Variants in BBS1 observed in about 807,000 individuals in gnomAD.
BBS1 encodes BBSome complex member BBS1.
In BBS1, 60 loss-of-function variants were observed where a neutral mutation model predicts 73.9. That is an observed-to-expected ratio of 0.81 (90% confidence interval 0.66 to 1.01). The LOEUF is 1.01. BBS1 is among the 50% of genes least tolerant of loss of function. The pLI is 0.00. For synonymous variants in BBS1, 283 were observed against 317.4 expected (o/e 0.89, Z 1.15); for missense variants, 718 against 770.3 (o/e 0.93, Z 0.80).
rs370985358 is a variant in BBS1 at position 66,529,972 on chromosome 11, C to T, written c.1473+20C>T. The T allele has an allele frequency of 6.9e-6, 11 of 1,592,938 alleles. No individual in the cohort carries two copies. The highest frequency in any genetic ancestry group is 9.4e-6 in the Non-Finnish European group (11 of 1,175,784). The stretch of plus-strand genomic sequence containing the variant: ...GCCGTGGTGAGCATCTGGGTGAGGG[C>T]AGAGTCAGGGCCAGAGGGGCAGAGG... On this transcript the variant is annotated intron_variant, in intron 14 of 16. Coordinates refer to ENST00000318312, the MANE Select transcript of BBS1 (RefSeq NM_024649.5).
chr11:66,514,657 C>A lies in BBS1; in HGVS notation c.411C>A (p.Asp137Glu), dbSNP rs1196550702. Residue 137 changes from aspartate (D) to glutamate (E), a missense_variant, in exon 4 of 17, where the codon GAC becomes GAA. Transcript: ENST00000318312. ...PQLPPNPLEQ[D>E]LWNQAKEDRI... is the part of the protein sequence containing the mutation. ...TGCCTCCAAATCCTCTGGAACAAGA[C>A]CTTTGGAACCAGGCCAAAGAGGTAA... 1.9e-6 allele frequency: 3 copies of A among 1,612,458 alleles called. No individual in the cohort carries two copies. Among genetic ancestry groups the A allele is most frequent in the East Asian group, 2.2e-5 (1 of 44,890 alleles).
chr11:66,530,295 G>A (rs1315170647), intron 14 of BBS1, among the ~76,000 whole-genome samples: 1 of 152,156 alleles, frequency 6.6e-6, no homozygotes, highest in African/African-American at 2.4e-5. Context: ...CTGTCACTTT[G>A]GTAACTGTGG....
At chr11:66,529,631 C>T (rs1014727256) in intron 13 of BBS1, 188 bp from the exon 14 acceptor site, 9 of 737,228 alleles carry the variant, frequency 1.2e-5, no homozygotes, top group East Asian at 5.4e-5. Flanking sequence ...AGAGGCAGGG[C>T]GAGGCCACGG....
At chr11:66,531,159 C>G (rs906994638) in intron 15 of BBS1, 131 bp downstream of exon 15, 9 of 1,285,444 alleles carry the variant, frequency 7.0e-6, no homozygotes, top group Non-Finnish European at 9.9e-6. Context: ...CAGACCTACT[C>G]TCCCACCACA....
At chr11:66,529,174 G>A (rs12790919) in intron 13 of BBS1, 13 of 1,445,236 alleles carry the variant, frequency 9.0e-6, no homozygotes, top group Admixed American at 2.5e-5. Flanking sequence ...CAGTCTGGAA[G>A]AGGAGGGACA....
chr11:66,523,511 A>G lies in BBS1; in HGVS notation c.886A>G (p.Ile296Val). 6.2e-7 allele frequency: 1 copy of G among 1,614,112 alleles called. No individual in the cohort carries two copies. Among genetic ancestry groups the G allele is most frequent in the Admixed American group, 1.7e-5 (1 of 60,012 alleles). ...GCTGAGCGCCCAGCCTGTGGGACTT[A>G]TCCGGGTACACAAGGTCCTAGTGGT... is the stretch of plus-strand genomic sequence containing the variant. ...IELSAQPVGL[I>V]RVHKVLVVGS... Residue 296 changes from isoleucine (I) to valine (V), a missense_variant, in exon 10 of 17, where the codon ATC (isoleucine) becomes GTC (valine). Coordinates refer to ENST00000318312, the MANE Select transcript of BBS1 (RefSeq NM_024649.5).
intron 3 of BBS1, among the ~76,000 whole-genome samples, chr11:66,511,682 A>G (rs1855950999): frequency 6.6e-6 from 1 of 152,152 alleles, no homozygotes; most frequent in African/African-American, 2.4e-5. Flanking sequence ...CTACTTTTGT[A>G]TGTGAATGAA....
Position 66,533,331 on chromosome 11 carries a change from T to G in BBS1, c.*1294T>G, listed in dbSNP as rs1390652084. ...CAAGAAAACAGTCTCTCCCATTCTCTAGTACTGCTCCCCTACCCAGCAGTC... is the reference window on the plus strand; with the variant it reads ...CAAGAAAACAGTCTCTCCCATTCTCGAGTACTGCTCCCCTACCCAGCAGTC... On this transcript the variant is annotated 3_prime_UTR_variant, in exon 17 of 17. Coordinates refer to ENST00000318312, the MANE Select transcript of BBS1 (RefSeq NM_024649.5). The G allele has an allele frequency of 6.6e-6, 1 of 152,232 alleles. No homozygotes were observed. 9.4% of individuals were successfully genotyped at this position (152,232 alleles called of 1,614,324 possible).
intron 1 of BBS1, 103 bp downstream of exon 1, chr11:66,510,809 C>G (rs1855924058): frequency 6.5e-7 from 1 of 1,533,098 alleles, no homozygotes; most frequent in Non-Finnish European, 9.0e-7. Flanking sequence ...TCTGGAAGGA[C>G]TCTTAAGAGG....
chr11:66,529,923 GC>G lies in BBS1; in HGVS notation c.1447del (p.Arg483GlufsTer96). On this transcript the variant is annotated frameshift_variant, in exon 14 of 17. Transcript: ENST00000318312. LOFTEE classifies it high-confidence loss of function. ...CAGCCTGAGCCCCCTGTCCACGACAGCCCGAGAGCCACTCAAGCTGCACGCC... is the reference window on the plus strand; with the variant it reads ...CAGCCTGAGCCCCCTGTCCACGACAGCCGAGAGCCACTCAAGCTGCACGCC... The part of the protein sequence containing the change: ...ESSLSPLSTT[A>X]REPLKLHAVV... The G allele has an allele frequency of 6.2e-7, 1 of 1,605,204 alleles. No homozygotes were observed. Among genetic ancestry groups the G allele is most frequent in the Non-Finnish European group, 8.5e-7 (1 of 1,179,694 alleles).
chr11:66,532,162 C>A lies in BBS1; in HGVS notation c.*125C>A. On this transcript the variant is annotated 3_prime_UTR_variant, in exon 17 of 17. Coordinates refer to ENST00000318312, the MANE Select transcript of BBS1 (RefSeq NM_024649.5). ...GACAGCTCGTCTCCCCTCTCTTAAG[C>A]ACCCGCTTCCTCACCACCCCCACTG... 9.8e-7 allele frequency: 1 copy of A among 1,025,062 alleles called. No homozygotes were observed. The highest frequency in any genetic ancestry group is 1.4e-6 in the Non-Finnish European group (1 of 705,628). The allele number at this position is 1,025,062 out of a possible 1,614,324, so 63.5% of individuals were successfully genotyped here.
Position 66,523,789 on chromosome 11 carries a change from T to C in BBS1, c.1017T>C (p.His339=). 6.2e-7 allele frequency: 1 copy of C among 1,613,538 alleles called. No individual in the cohort carries two copies. Among genetic ancestry groups the C allele is most frequent in the South Asian group, 1.1e-5 (1 of 91,078 alleles). The part of the protein sequence containing the change: ...AILTMNLLEQ[H]SRGLQAVMAG... The stretch of plus-strand genomic sequence containing the variant: ...TGACCATGAACCTCCTGGAGCAGCA[T>C]TCCCGGGGCCTGCAGGCCGTCATGG... The change falls in exon 11 of 17, where the codon CAT becomes CAC. Residue 339 remains histidine, a synonymous_variant. Transcript: ENST00000318312.
At chr11:66,516,098 C>T (rs1230077099) in intron 7 of BBS1, among the ~76,000 whole-genome samples, 165 bp downstream of exon 7, 1 of 150,364 alleles carries the variant, frequency 6.7e-6, no homozygotes, top group African/African-American at 2.4e-5. Context: ...GCAGTGACTT[C>T]CACATTCCAG....
chr11:66,521,528 G>A (rs1174929230), intron 9 of BBS1, 152 bp downstream of exon 9: 7 of 706,160 alleles, frequency 9.9e-6, no homozygotes, highest in Admixed American at 4.1e-5. Flanking sequence ...CACAAACACA[G>A]GGGAGGATAC....
At chr11:66,520,919 A>T (rs1437522289) in intron 8 of BBS1, 7 of 353,704 alleles carry the variant, frequency 2.0e-5, no homozygotes, top group Non-Finnish European at 2.7e-5. Flanking sequence ...AAGTTTTGCC[A>T]TGTTGGACAG....
At chr11:66,516,657 C>T (rs185301709) in intron 7 of BBS1, among the ~76,000 whole-genome samples, 1 of 152,136 alleles carries the variant, frequency 6.6e-6, no homozygotes, top group East Asian at 1.9e-4. Flanking sequence ...TTCAAGTGAT[C>T]CTCCCCCTTC....
intron 1 of BBS1, 78 bp downstream of exon 1, chr11:66,510,784 G>C (rs1855923629): frequency 1.3e-6 from 2 of 1,587,756 alleles, no homozygotes; most frequent in Admixed American, 1.7e-5. Context: ...CTGGGCTCCT[G>C]CTGTTCTCGG....
rs1565281528 is a variant in BBS1, at chr11:66,514,547, ACC to A, written c.304_305del (p.Pro102SerfsTer14). 6.2e-7 allele frequency: 1 copy of A among 1,614,084 alleles called. No homozygotes were observed. ...CCTCATGGAGCAACATGAGCCCCGG[ACC>A]CCAGCTCTGGCACTTGCTTCAGGCC... The part of the protein sequence containing the change: ...TFLMEQHEPR[T>X]PALALASGPC... On this transcript the variant is annotated frameshift_variant, in exon 4 of 17. Transcript: ENST00000318312. LOFTEE classifies it high-confidence loss of function.
rs752350737 is a variant in BBS1 at position 66,523,918 on chromosome 11, C to T, written c.1110+36C>T. On this transcript the variant is annotated intron_variant, in intron 11 of 16. Transcript: ENST00000318312. ...TCTCCGGCATCTGCCACTCACTCCTCCTTGCCCTCGTCTCACCTCTGGGGC... is the reference window on the plus strand; with the variant it reads ...TCTCCGGCATCTGCCACTCACTCCTTCTTGCCCTCGTCTCACCTCTGGGGC... 1.3e-5 allele frequency: 21 copies of T among 1,610,412 alleles called. No homozygotes were observed. The Admixed American group carries it at 1.3e-4, about 10-fold the overall frequency.
Sources: allele counts gnomAD v4.1 joint callset (sites outside exome capture counted in the v4.1 genomes callset), GRCh38; gene constraint gnomAD v4.1.1; transcripts MANE v1.5; gene names NCBI Gene and HGNC (gene_info 2026-07-23, HGNC 2026-07-21).